Variants in PLOD2 observed in about 807,000 individuals in gnomAD.
The protein encoded by PLOD2 is lysine hydroxylase 2.
In PLOD2, 65 loss-of-function variants were observed where a neutral mutation model predicts 101.0. The observed-to-expected ratio is 0.64, with a 90% CI of 0.53 to 0.79. The LOEUF (loss-of-function observed/expected upper bound fraction) is 0.79, where lower values mean the gene tolerates loss of function less well. Among genes scored for constraint, PLOD2 ranks in the 30% least tolerant of loss-of-function variants. The pLI, the probability that PLOD2 is intolerant of heterozygous loss-of-function variation, is 0.00. For synonymous variants in PLOD2, 314 were observed against 302.9 expected, an observed-to-expected ratio of 1.04 and a Z score of -0.38; for missense variants, 909 against 914.6, an observed-to-expected ratio of 0.99 and a Z score of 0.08.
intron 3 of PLOD2, among the ~76,000 whole-genome samples, chr3:146,120,395 C>A (rs2030020022): frequency 6.6e-6 from 1 of 151,998 alleles, no homozygotes; most frequent in Non-Finnish European, 1.5e-5. Context: ...CTGTATGGTG[C>A]TGGGAAAACT....
intron 1 of PLOD2, among the ~76,000 whole-genome samples, chr3:146,128,880 C>CTTTTTTTTTTTTTTTTT (rs3975816): frequency 1.4e-5 from 1 of 73,180 alleles, no homozygotes. Context: ...ATCTGAAATC[C>CTTTTTTTTTTTTTTTTT]TTTTTTTTTT....
intron 1 of PLOD2, chr3:146,160,651 G>A (rs1016260782): frequency 5.5e-6 from 3 of 544,760 alleles, no homozygotes; most frequent in Non-Finnish European, 9.8e-6. Flanking sequence ...ATTCGGGCAC[G>A]CTGAGTTCAC....
At chr3:146,160,021 A>G (rs964482875) in intron 1 of PLOD2, among the ~76,000 whole-genome samples, 1 of 152,230 alleles carries the variant, frequency 6.6e-6, no homozygotes, top group Admixed American at 6.5e-5. Context: ...AATGGTGCCA[A>G]GATGACTTAA....
At chr3:146,155,133 A>G (rs981376303) in intron 1 of PLOD2, among the ~76,000 whole-genome samples, 1 of 152,016 alleles carries the variant, frequency 6.6e-6, no homozygotes, top group Non-Finnish European at 1.5e-5. Context: ...GTAATTACCA[A>G]ATATGGGTTG....
chr3:146,104,442 TAA>T (rs1213213395), intron 5 of PLOD2, 100 bp from the exon 6 acceptor site: 4 of 705,554 alleles, frequency 5.7e-6, no homozygotes, highest in Non-Finnish European at 1.0e-5. Flanking sequence ...ATTTAAAGTT[TAA>T]TATTCTTATA....
intron 7 of PLOD2, among the ~76,000 whole-genome samples, chr3:146,102,211 T>A (rs1277444253): frequency 6.6e-6 from 1 of 152,218 alleles, no homozygotes; most frequent in Non-Finnish European, 1.5e-5. Context: ...AAACTTTTCA[T>A]CTATAAATTT....
At chr3:146,095,048 C>G (rs1032321980) in intron 7 of PLOD2, among the ~76,000 whole-genome samples, 1 of 151,914 alleles carries the variant, frequency 6.6e-6, no homozygotes, top group African/African-American at 2.4e-5. Flanking sequence ...ACCTCTTCCT[C>G]ACACCTTATA....
chr3:146,135,410 T>G (rs1410008805), intron 1 of PLOD2, among the ~76,000 whole-genome samples: 2 of 152,312 alleles, frequency 1.3e-5, no homozygotes, highest in East Asian at 3.9e-4. Context: ...CCAAAAAAGT[T>G]TATTATTCAC....
intron 11 of PLOD2, among the ~76,000 whole-genome samples, chr3:146,083,573 T>TTTTTCTTTC (rs142922952): frequency 0.012 from 580 of 48,430 alleles, 78 homozygotes; most frequent in Non-Finnish European, 0.013. Flanking sequence ...AGGTAAGTCT[T>TTTTTCTTTC]TTTCTTTTTT....
intron 7 of PLOD2, among the ~76,000 whole-genome samples, chr3:146,095,375 C>T (rs1286703173): frequency 6.7e-6 from 1 of 149,008 alleles, no homozygotes; most frequent in African/African-American, 2.5e-5. Flanking sequence ...AAAAAAAAAA[C>T]CACTCCATCA....
chr3:146,078,364 C>G (rs908307906), intron 13 of PLOD2, among the ~76,000 whole-genome samples: 1 of 151,704 alleles, frequency 6.6e-6, no homozygotes, highest in African/African-American at 2.4e-5. Context: ...CTTTGTTAAA[C>G]TAAGAAAAAA....
At position 146,077,183 on chromosome 3, in the gene PLOD2, G is replaced by GA. The variant is rs768880868; in HGVS notation, c.1564-289dup. On this transcript the variant is annotated intron_variant, in intron 14 of 19. Coordinates refer to ENST00000282903, the MANE Select transcript of PLOD2 (RefSeq NM_182943.3). ...ATTGATCCTAGATGTAGACATCGGG[G>GA]AAAAAATTCCTGTTTGAAAGCAGAA... The GA allele has an allele frequency of 6.2e-5, 64 of 1,038,772 alleles. No homozygotes were observed. In the African/African-American group the frequency reaches 1.0e-3, roughly 16 times the overall value. The allele number at this position is 1,038,772 out of a possible 1,614,324, so 64.3% of individuals were successfully genotyped here.
At chr3:146,133,301 GAAAT>G (rs1309621421) in intron 1 of PLOD2, among the ~76,000 whole-genome samples, 1 of 152,092 alleles carries the variant, frequency 6.6e-6, no homozygotes, top group Admixed American at 6.6e-5. Context: ...AGAAAACCTT[GAAAT>G]AAATACAGTG....
intron 1 of PLOD2, among the ~76,000 whole-genome samples, chr3:146,125,142 AT>A (rs950776117): frequency 2.0e-5 from 3 of 152,128 alleles, no homozygotes; most frequent in African/African-American, 7.2e-5. Context: ...CAAAACTAAC[AT>A]CTTTTCAATA....
intron 3 of PLOD2, among the ~76,000 whole-genome samples, chr3:146,116,833 AT>A (rs555034145): frequency 8.1e-4 from 124 of 152,160 alleles, no homozygotes; most frequent in African/African-American, 2.9e-3. Flanking sequence ...AAATATCTAA[AT>A]TTTTTTATCT....
intron 1 of PLOD2, among the ~76,000 whole-genome samples, chr3:146,143,066 G>A (rs139466250): frequency 6.6e-6 from 1 of 152,154 alleles, no homozygotes; most frequent in Non-Finnish European, 1.5e-5. Context: ...CAAACTCACT[G>A]CTCAGTGCAT....
In PLOD2 at chr3:146,138,046, G is replaced by A. The variant is rs565871502; in HGVS notation, c.110-13817C>T. Among the ~76,000 whole-genome samples, 3 of 152,250 alleles carry A rather than the reference G, an allele frequency of 2.0e-5. No individual in the cohort carries two copies. The South Asian group carries it at 6.2e-4, about 32-fold the overall frequency. On this transcript the variant is annotated intron_variant, in intron 1 of 19. Transcript: ENST00000282903. ...TTCATTATTCAAAAGACAGGAAATG[G>A]TTAATTGCAAATTACCATTTAGAAT...
intron 3 of PLOD2, among the ~76,000 whole-genome samples, chr3:146,112,471 G>A (rs567141418): frequency 6.6e-6 from 1 of 152,092 alleles, no homozygotes; most frequent in African/African-American, 2.4e-5. Flanking sequence ...ACACAGAGAG[G>A]GGAACATCAC....
At chr3:146,115,254 G>A (rs1485813142) in intron 3 of PLOD2, among the ~76,000 whole-genome samples, 2 of 152,144 alleles carry the variant, frequency 1.3e-5, no homozygotes, top group Non-Finnish European at 2.9e-5. Flanking sequence ...CGATCTACAT[G>A]TGAAGAAAAT....
Sources: allele counts gnomAD v4.1 joint callset (sites outside exome capture counted in the v4.1 genomes callset), GRCh38; gene constraint gnomAD v4.1.1; transcripts MANE v1.5; gene names NCBI Gene and HGNC (gene_info 2026-07-23, HGNC 2026-07-21).